The following GNG2 variants were observed in gnomAD, a reference collection of about 807,000 sequenced individuals.
GNG2 encodes the protein G protein subunit gamma 2, also known as guanine nucleotide-binding protein G(I)/G(S)/G(O) subunit gamma-2.
GNG2 carries 5 observed loss-of-function variants against 5.5 expected under a neutral mutation model. The ratio of observed to expected loss-of-function variants is 0.91; its 90% CI spans 0.48 to 1.92. GNG2 has a LOEUF of 1.92. Among genes scored for constraint, GNG2 ranks in the 30% most tolerant of loss-of-function variants. GNG2 has a pLI of 0.01. For missense variants in GNG2, 55 were observed against 88.4 expected, an observed-to-expected ratio of 0.62 and a Z score of 1.52; for synonymous variants, 28 against 32.0, an observed-to-expected ratio of 0.88 and a Z score of 0.42.
At chr14:51,927,065 CCATTCTCT>C (rs1255796476) in intron 2 of GNG2, among the ~76,000 whole-genome samples, 2 of 152,174 alleles carry the variant, frequency 1.3e-5, no homozygotes, top group Non-Finnish European at 2.9e-5. Flanking sequence ...TACTCTGATC[CCATTCTCT>C]CATTTAGTAG....
At chr14:51,840,354 C>A (rs1881448540) in intron 2 of GNG2, among the ~76,000 whole-genome samples, 1 of 152,154 alleles carries the variant, frequency 6.6e-6, no homozygotes, top group African/African-American at 2.4e-5. Context: ...ATAAAATGTT[C>A]CACACAAAAT....
At chr14:51,963,932 T>C (rs1889756332) in intron 3 of GNG2, among the ~76,000 whole-genome samples, 1 of 152,174 alleles carries the variant, frequency 6.6e-6, no homozygotes. Flanking sequence ...TACATACATA[T>C]CATGTATTGG....
intron 3 of GNG2, among the ~76,000 whole-genome samples, chr14:51,963,772 C>T (rs887359120): frequency 6.6e-6 from 1 of 152,216 alleles, no homozygotes; most frequent in Middle Eastern, 3.4e-3. Context: ...CTCAATTTTT[C>T]ATCTATAAAA....
At chr14:51,956,666 T>TGCGG (rs1275773321) in intron 3 of GNG2, among the ~76,000 whole-genome samples, 2 of 152,200 alleles carry the variant, frequency 1.3e-5, no homozygotes, top group Non-Finnish European at 2.9e-5. Context: ...GCTCCATTAA[T>TGCGG]GCGGGCAACC....
intron 2 of GNG2, among the ~76,000 whole-genome samples, chr14:51,855,283 C>T (rs7150598): frequency 0.054 from 8,157 of 152,240 alleles, 461 homozygotes; most frequent in East Asian, 0.24. Context: ...CACTAGCTTT[C>T]GTGCTGGGCC....
At chr14:51,916,766 G>A (rs1886670371) in intron 2 of GNG2, among the ~76,000 whole-genome samples, 1 of 152,130 alleles carries the variant, frequency 6.6e-6, no homozygotes, top group African/African-American at 2.4e-5. Context: ...ATAGTGTGAG[G>A]GTTCCAGGGC....
At chr14:51,891,463 A>G (rs1566668353) in intron 2 of GNG2, among the ~76,000 whole-genome samples, 1 of 152,302 alleles carries the variant, frequency 6.6e-6, no homozygotes, top group East Asian at 1.9e-4. Flanking sequence ...GTGCATACAT[A>G]TATATATTAA....
At chr14:51,934,619 C>T (rs1306383667) in intron 2 of GNG2, among the ~76,000 whole-genome samples, 1 of 152,150 alleles carries the variant, frequency 6.6e-6, no homozygotes, top group Non-Finnish European at 1.5e-5. Context: ...AAAGTCAAAG[C>T]CAGACCTTCA....
intron 2 of GNG2, among the ~76,000 whole-genome samples, chr14:51,934,089 A>G (rs1056806783): frequency 3.9e-5 from 6 of 152,170 alleles, no homozygotes; most frequent in African/African-American, 1.4e-4. Flanking sequence ...AGCCAGTATG[A>G]TGGAGAAAGA....
intron 2 of GNG2, among the ~76,000 whole-genome samples, chr14:51,937,227 T>C (rs765666178): frequency 6.6e-6 from 1 of 152,258 alleles, no homozygotes; most frequent in Non-Finnish European, 1.5e-5. Context: ...CTCTGTGCTA[T>C]ACATTATCAG....
upstream of GNG2, among the ~76,000 whole-genome samples, chr14:51,855,417 T>C (rs1882111296): frequency 6.6e-6 from 1 of 152,242 alleles, no homozygotes; most frequent in Non-Finnish European, 1.5e-5. Context: ...TCTTGGCTCC[T>C]AACAGCTGGG....
At chr14:51,845,302 G>A (rs1236535157) in intron 2 of GNG2, among the ~76,000 whole-genome samples, 2 of 152,160 alleles carry the variant, frequency 1.3e-5, no homozygotes, top group African/African-American at 2.4e-5. Flanking sequence ...ACCAACCCGA[G>A]CAACACGGCG....
intron 2 of GNG2, among the ~76,000 whole-genome samples, chr14:51,844,060 G>T (rs1881556934): frequency 6.6e-6 from 1 of 152,182 alleles, no homozygotes; most frequent in South Asian, 2.1e-4. Context: ...TCTCTTCTCA[G>T]TTCGCTCTGC....
At position 51,849,805 on chromosome 14, in the gene GNG2, C is replaced by CT. The variant is rs33966382; in HGVS notation, c.64+22017dup. Among the ~76,000 whole-genome samples, 560 of 121,972 alleles carry CT rather than the reference C, an allele frequency of 4.6e-3. 2 individuals carry two copies. The highest frequency in any genetic ancestry group is 0.015 in the African/African-American group (511 of 33,574). 80.0% of individuals were successfully genotyped at this position (121,972 alleles called of 152,430 possible). On this transcript the variant is annotated intron_variant, in intron 2 of 3. Coordinates refer to the GNG2 transcript ENST00000553432. Reference sequence around the variant, plus strand: ...CCTAATTTTAGATACAAAGCAAATGCTTTTTTTTTTTTTTTTTTTGAGACA... The same window carrying CT: ...CCTAATTTTAGATACAAAGCAAATGCTTTTTTTTTTTTTTTTTTTTGAGACA...
intron 2 of GNG2, among the ~76,000 whole-genome samples, chr14:51,910,202 A>G (rs1886211802): frequency 6.6e-6 from 1 of 152,194 alleles, no homozygotes; most frequent in East Asian, 1.9e-4. Context: ...AAGCCAGGAA[A>G]ACGGAGATCT....
chr14:51,882,616 A>C (rs1313077243), intron 2 of GNG2, among the ~76,000 whole-genome samples: 2 of 152,256 alleles, frequency 1.3e-5, no homozygotes, highest in Non-Finnish European at 2.9e-5. Flanking sequence ...AGCTGGTCAC[A>C]GTAAAAATTT....
chr14:51,921,894 C>T (rs1301302068), intron 2 of GNG2, among the ~76,000 whole-genome samples: 1 of 152,194 alleles, frequency 6.6e-6, no homozygotes, highest in South Asian at 2.1e-4. Flanking sequence ...TTTAATTAAA[C>T]CCATACAGAT....
Position 51,896,938 on chromosome 14 carries a change from G to C in GNG2, c.-30+19281G>C, listed in dbSNP as rs1225429507. 2.0e-5 allele frequency among the ~76,000 whole-genome samples: 3 copies of C among 152,122 alleles called. No homozygotes were observed. In the East Asian group the frequency reaches 5.8e-4, roughly 29 times the overall value. On this transcript the variant is annotated intron_variant, in intron 2 of 3. Transcript: ENST00000556766. ...TTGAACATAACATAAAGCCAAAAAA[G>C]ATGAATATATGAATTATATAATGAT...
chr14:51,964,225 G>A (rs1889773031), intron 3 of GNG2, among the ~76,000 whole-genome samples: 1 of 152,290 alleles, frequency 6.6e-6, no homozygotes, highest in African/African-American at 2.4e-5. Context: ...CAGGCACTAG[G>A]AGAGAAGCAT....
Sources: gnomAD v4.1 joint callset for allele counts (sites outside exome capture counted in the v4.1 genomes callset) on GRCh38, gnomAD v4.1.1 for gene constraint, MANE v1.5 for transcripts, NCBI Gene and HGNC (gene_info 2026-07-23, HGNC 2026-07-21) for gene names.